The following CHD8 variants were observed in gnomAD, a reference collection of about 807,000 sequenced individuals.
CHD8 encodes the protein ATP-dependent chromatin remodeler CHD8.
In CHD8, 31 loss-of-function variants were observed where a neutral mutation model predicts 279.2. That is an observed-to-expected ratio of 0.11 (90% confidence interval 0.08 to 0.15). The LOEUF (loss-of-function observed/expected upper bound fraction) is 0.15. Ranked by LOEUF, CHD8 falls within the 10% of genes least tolerant of loss-of-function variation. CHD8 has a pLI of 1.00. For missense variants in CHD8, 2,146 were observed against 3,230.5 expected (o/e 0.66, Z 8.14); for synonymous variants, 1,081 against 1,139.6 (o/e 0.95, Z 1.04).
Position 21,400,628 on chromosome 14 carries a change from C to A in CHD8, c.4371-16G>T, listed in dbSNP as rs374221070. 1 of 1,553,910 alleles carries A rather than the reference C, an allele frequency of 6.4e-7. No individual in the cohort carries two copies. On this transcript the variant is annotated splice_polypyrimidine_tract_variant and intron_variant, in intron 22 of 37. Transcript: ENST00000646647. This position sits in a 1 kb window ranked among gnomAD's most constrained non-coding sequence, Gnocchi z 4.2. ...TCGTCCCCAACTAAAAAACAGAAAA[C>A]TATATTAACATTTTTCTGAGAAATG...
chr14:21,435,548 A>G (rs1889747986), intron 1 of CHD8, among the ~76,000 whole-genome samples: 1 of 152,098 alleles, frequency 6.6e-6, no homozygotes, highest in African/African-American at 2.4e-5. Flanking sequence ...CTGTCCTATG[A>G]TAAAGTATTT....
intron 37 of CHD8, among the ~76,000 whole-genome samples, chr14:21,387,809 CAAAA>C (rs34063784): frequency 2.0e-4 from 15 of 76,124 alleles, no homozygotes; most frequent in Admixed American, 1.5e-4. Flanking sequence ...CTGTCTCAAG[CAAAA>C]AAAAAAAAAA....
chr14:21,432,078 T>TA (rs1349425598), intron 1 of CHD8, among the ~76,000 whole-genome samples: 6 of 152,208 alleles, frequency 3.9e-5, no homozygotes, highest in Non-Finnish European at 8.8e-5. Flanking sequence ...CTTGGGCACT[T>TA]ACACCTACAA....
intron 5 of CHD8, among the ~76,000 whole-genome samples, chr14:21,417,681 T>C (rs1295552272): frequency 1.3e-5 from 2 of 151,628 alleles, no homozygotes; most frequent in Non-Finnish European, 1.5e-5. Flanking sequence ...GGTGAAACCC[T>C]GTCTCTACTA....
In CHD8 at chr14:21,428,126, T is replaced by C. The variant is rs371322426; in HGVS notation, c.1344A>G (p.Glu448=). 8.7e-6 allele frequency: 14 copies of C among 1,613,914 alleles called. No individual in the cohort carries two copies. The highest frequency in any genetic ancestry group is 4.2e-6 in the Non-Finnish European group (5 of 1,179,904). ...PHSGGKTGME[E]NRRLEHQKKQ... ...TCTTCTGGTGTTCCAATCTGCGGTT[T>C]TCCTCCATTCCTGTCTTTCCCCCCG... is the stretch of plus-strand genomic sequence containing the variant. The change falls in exon 4 of 38, where the codon GAA becomes GAG. Residue 448 remains glutamate (E), a synonymous_variant. Coordinates refer to ENST00000646647, the MANE Select transcript of CHD8 (RefSeq NM_001170629.2).
chr14:21,448,941 G>A (rs942878857), intron 1 of CHD8, among the ~76,000 whole-genome samples: 8 of 151,362 alleles, frequency 5.3e-5, no homozygotes, highest in African/African-American at 1.7e-4. Context: ...TTGGGAGGCC[G>A]AGGCGGGCAG....
In CHD8 at chr14:21,414,190, C is replaced by T. The variant is rs145665540; in HGVS notation, c.2142+111G>A. 203 of 657,874 alleles carry T rather than the reference C, an allele frequency of 3.1e-4. No homozygotes were observed. The East Asian group carries it at 5.2e-3, about 17-fold the overall frequency. 40.8% of individuals were successfully genotyped at this position (657,874 alleles called of 1,614,324 possible). A position where few individuals can be genotyped will look rare whatever the true frequency, so the allele number is the denominator to read the frequency against. On this transcript the variant is annotated intron_variant, in intron 9 of 37. Transcript: ENST00000646647. ...CAATGACCAAAATTGAAAGTTTACA[C>T]CCATATATAGAAACCAATTACAAGT...
At chr14:21,437,865 C>T (rs1268267757) in intron 1 of CHD8, among the ~76,000 whole-genome samples, 2 of 152,094 alleles carry the variant, frequency 1.3e-5, no homozygotes, top group African/African-American at 2.4e-5. Flanking sequence ...TAACAATTCC[C>T]GACCCTTAGC....
At chr14:21,404,912 A>G in intron 16 of CHD8, 1 of 304,160 alleles carries the variant, frequency 3.3e-6, no homozygotes, top group Non-Finnish European at 6.1e-6. Context: ...GCTCACTGCA[A>G]CCTCTGCCTT....
chr14:21,429,136 T>C lies in CHD8; in HGVS notation c.1043A>G (p.Gln348Arg). Residue 348 changes from glutamine (Q) to arginine (R), a missense_variant, in exon 3 of 38, where the codon CAG becomes CGG. Transcript: ENST00000646647. ...TTGTGGTACAATCTGGATTTTTTGC[T>C]GTGGCTGCTGCACCTGCAGCTGGAT... ...VTIQLQVQQP[Q>R]QKIQIVPQPP... 1 of 1,614,038 alleles carries C rather than the reference T, an allele frequency of 6.2e-7. No homozygotes were observed. Among genetic ancestry groups the C allele is most frequent in the African/African-American group, 1.3e-5 (1 of 75,060 alleles).
chr14:21,447,726 T>C lies in CHD8; in HGVS notation c.-216+8306A>G, dbSNP rs189978661. ...ATAGAGCATGGATTCTTTTTTTTTT[T>C]CTAAGTCAACCTCATTGTAGATTTT... On this transcript the variant is annotated intron_variant, in intron 1 of 37. Coordinates refer to ENST00000646647, the MANE Select transcript of CHD8 (RefSeq NM_001170629.2). Among the ~76,000 whole-genome samples the C allele has an allele frequency of 2.4e-4, 36 of 152,102 alleles. No homozygotes were observed. In the East Asian group the frequency reaches 6.4e-3, roughly 27 times the overall value.
chr14:21,436,403 A>T (rs1336539314), intron 1 of CHD8, among the ~76,000 whole-genome samples: 1 of 152,276 alleles, frequency 6.6e-6, no homozygotes, highest in Non-Finnish European at 1.5e-5. Flanking sequence ...AAACTGTACC[A>T]TGAAGACATT....
Position 21,399,761 on chromosome 14 carries a change from T to A in CHD8, c.4818-56A>T, listed in dbSNP as rs1313756229. On this transcript the variant is annotated intron_variant, in intron 25 of 37. Coordinates refer to ENST00000646647, the MANE Select transcript of CHD8 (RefSeq NM_001170629.2). ...GAAATGCAGGAAATTAAAGTGAGAA[T>A]CCTTGCAAAGGTTATTATAGGTATC... 1.1e-5 allele frequency: 14 copies of A among 1,260,038 alleles called. No homozygotes were observed. In the East Asian group the frequency reaches 3.0e-4, roughly 27 times the overall value. 78.1% of individuals were successfully genotyped at this position (1,260,038 alleles called of 1,614,324 possible). A position where few individuals can be genotyped will look rare whatever the true frequency, so the allele number is the denominator to read the frequency against.
chr14:21,436,614 ACT>A (rs1889789014), intron 1 of CHD8, among the ~76,000 whole-genome samples: 1 of 152,008 alleles, frequency 6.6e-6, no homozygotes, highest in Non-Finnish European at 1.5e-5. Context: ...ATGTGTGGCT[ACT>A]CTGTTTCTGT....
Position 21,400,347 on chromosome 14 carries a change from A to G in CHD8, c.4571-40T>C. 1 of 1,609,854 alleles carries G rather than the reference A, an allele frequency of 6.2e-7. No homozygotes were observed. ...ACATCAAAGACTTGGATTGAGAAAA[A>G]CCCTTGGACCTGAAAAGGATTAGAT... is the stretch of plus-strand genomic sequence containing the variant. On this transcript the variant is annotated intron_variant, in intron 23 of 37. Transcript: ENST00000646647. The surrounding 1 kb of genome is among the most constrained non-coding windows in gnomAD (Gnocchi z 4.2).
At chr14:21,390,896 A>C in intron 37 of CHD8, 51 bp downstream of exon 37, 1 of 865,164 alleles carries the variant, frequency 1.2e-6, no homozygotes, top group Admixed American at 2.1e-5. Context: ...AAAGACTTGT[A>C]ATCTCACATC....
intron 1 of CHD8, among the ~76,000 whole-genome samples, chr14:21,432,696 G>C (rs1198841519): frequency 6.6e-6 from 1 of 152,120 alleles, no homozygotes; most frequent in Admixed American, 6.6e-5. Context: ...ATCTCTCGCA[G>C]CTAAAATCCT....
rs558393414 is a variant in CHD8, at chr14:21,418,638, A to T, written c.1717-2731T>A. Among the ~76,000 whole-genome samples the T allele has an allele frequency of 4.5e-3, 678 of 152,284 alleles. 1 individual carries two copies. The highest frequency in any genetic ancestry group is 8.8e-3 in the Admixed American group (135 of 15,294). On this transcript the variant is annotated intron_variant, in intron 5 of 37. Transcript: ENST00000646647. Reference sequence around the variant, plus strand: ...AGACCATCCTGGCTAACACGGTGAAACCCCGTCTCCACTAAAAATATAAAA... The same window carrying T: ...AGACCATCCTGGCTAACACGGTGAATCCCCGTCTCCACTAAAAATATAAAA...
chr14:21,414,274 T>C (rs1372211178), intron 9 of CHD8, 27 bp downstream of exon 9: 6 of 1,108,166 alleles, frequency 5.4e-6, no homozygotes, highest in Non-Finnish European at 6.7e-6. Flanking sequence ...GTGAAAGAAA[T>C]GACAGGCAAT....
Sources: gnomAD v4.1 joint callset for allele counts (sites outside exome capture counted in the v4.1 genomes callset) on GRCh38, gnomAD v4.1.1 for gene constraint, Gnocchi (gnomAD v3.1) non-coding constraint, MANE v1.5 for transcripts, NCBI Gene and HGNC (gene_info 2026-07-23, HGNC 2026-07-21) for gene names.